CFAP47: variants seen among roughly 807,000 people sequenced by gnomAD.
The protein encoded by CFAP47 is cilia- and flagella-associated protein 47.
CFAP47 carries 29 observed loss-of-function variants against 148.1 expected under a neutral mutation model. The observed-to-expected ratio is 0.20, with a 90% confidence interval of 0.15 to 0.27. The LOEUF (loss-of-function observed/expected upper bound fraction) is 0.27. Among genes scored for constraint, CFAP47 ranks in the 10% least tolerant of loss-of-function variants. The pLI is 1.00. For synonymous variants in CFAP47, 664 were observed against 577.3 expected (o/e 1.15, Z -2.15); for missense variants, 1,872 against 1,697.5 (o/e 1.10, Z -1.81).
chrX:36,382,616 G>A (rs1417020207), intron 63 of CFAP47, among the ~76,000 whole-genome samples: 1 of 111,121 alleles, frequency 9.0e-6, no homozygotes, highest in Non-Finnish European at 1.9e-5. Flanking sequence ...TAAATATATA[G>A]CTTTCTTAAT....
chrX:36,065,856 G>T lies in CFAP47; in HGVS notation c.4318+113G>T, dbSNP rs774016674. On this transcript the variant is annotated intron_variant, in intron 27 of 63. Transcript: ENST00000378653. ...AGTTGTTTATTAAACAGCTGCCTCT[G>T]ATAGAAGCTGTGCTTGTCATTGAGA... 9 of 427,502 alleles carry T rather than the reference G, an allele frequency of 2.1e-5. No homozygotes were observed. The South Asian group carries it at 3.9e-4, about 18-fold the overall frequency. The allele number at this position is 427,502 out of a possible 1,213,427, so 35.2% of individuals were successfully genotyped here.
intron 46 of CFAP47, among the ~76,000 whole-genome samples, chrX:36,235,646 G>A (rs180992709): frequency 0.057 from 6,441 of 112,020 alleles, 160 homozygotes; most frequent in Middle Eastern, 0.13. Flanking sequence ...CCACTGTCTG[G>A]CACTCCCTAG....
intron 39 of CFAP47, among the ~76,000 whole-genome samples, chrX:36,178,779 C>T (rs1487772028): frequency 9.0e-6 from 1 of 111,482 alleles, no homozygotes; most frequent in Admixed American, 9.6e-5. Flanking sequence ...TTTGTGTTTC[C>T]AGAACCTCAT....
At chrX:36,158,159 G>A (rs1322866981) in intron 37 of CFAP47, among the ~76,000 whole-genome samples, 1 of 112,077 alleles carries the variant, frequency 8.9e-6, no homozygotes, top group East Asian at 2.8e-4. Context: ...TTAGGTCAAG[G>A]TTTGACACCA....
At chrX:35,973,424 C>T (rs6632447) in intron 13 of CFAP47, among the ~76,000 whole-genome samples, 29,930 of 110,648 alleles carry the variant, frequency 0.27, 5,722 homozygotes, top group African/African-American at 0.67. Context: ...CTCCTGACCT[C>T]GTGATCCGCC....
Position 35,919,920 on chromosome X carries a change from C to T in CFAP47, c.121C>T (p.Arg41Trp), listed in dbSNP as rs1263798197. 2 of 1,208,724 alleles carry T rather than the reference C, an allele frequency of 1.7e-6. No individual in the cohort carries two copies. Among genetic ancestry groups the T allele is most frequent in the East Asian group, 5.9e-5 (2 of 33,690 alleles). Residue 41 changes from arginine to tryptophan, a missense_variant, in exon 1 of 64, where the codon CGG (arginine) becomes TGG (tryptophan). Transcript: ENST00000378653. ...MDSSGRDMQLRVIPAEVKFLD... is the reference protein window; with the variant it reads ...MDSSGRDMQLWVIPAEVKFLD... ...TAGCTCGGGTAGAGACATGCAGCTG[C>T]GGGTGATCCCGGCTGAGGTGAAGTT...
At chrX:36,044,279 T>C (rs1937439879) in intron 25 of CFAP47, among the ~76,000 whole-genome samples, 1 of 113,307 alleles carries the variant, frequency 8.8e-6, no homozygotes, top group African/African-American at 3.2e-5. Flanking sequence ...TCATTATTTA[T>C]GCAAATGTCT....
intron 39 of CFAP47, 32 bp downstream of exon 39, chrX:36,160,801 A>G: frequency 3.4e-6 from 1 of 290,380 alleles, no homozygotes; most frequent in Non-Finnish European, 6.0e-6. Flanking sequence ...AATTCATTGC[A>G]ATTAGCTCTA....
At chrX:36,114,838 G>A (rs940015704) in intron 33 of CFAP47, among the ~76,000 whole-genome samples, 3 of 111,289 alleles carry the variant, frequency 2.7e-5, no homozygotes, top group Admixed American at 1.9e-4. Context: ...TAATTTATAC[G>A]TGCCAGCAGC....
chrX:36,365,590 A>C (rs1200197646), intron 61 of CFAP47: 1 of 110,332 alleles, frequency 9.1e-6, no homozygotes, highest in African/African-American at 3.3e-5. Flanking sequence ...ATGTATGAAG[A>C]CTAGTACCCA....
chrX:36,171,453 C>T (rs1418130950), intron 39 of CFAP47, among the ~76,000 whole-genome samples: 2 of 106,937 alleles, frequency 1.9e-5, no homozygotes, highest in African/African-American at 6.9e-5. Context: ...AGTCTTTAAT[C>T]CATCTTGAAT....
chrX:36,190,991 G>T lies in CFAP47; in HGVS notation c.6321+795G>T, dbSNP rs142493091. Among the ~76,000 whole-genome samples, 8 of 111,450 alleles carry T rather than the reference G, an allele frequency of 7.2e-5. No homozygotes were observed. In the East Asian group the frequency reaches 2.3e-3, roughly 32 times the overall value. The stretch of plus-strand genomic sequence containing the variant: ...AGTGAAAAATGGTAATTGGAAAGAG[G>T]TATTGTACTTACCTGGTGTCTATGG... On this transcript the variant is annotated intron_variant, in intron 42 of 63. Transcript: ENST00000378653.
intron 58 of CFAP47, 100 bp downstream of exon 58, chrX:36,348,388 T>C: frequency 2.6e-6 from 1 of 386,744 alleles, no homozygotes. Context: ...AATGTCAAGC[T>C]CATGATTTTA....
rs187958040 is a variant in CFAP47, at chrX:35,937,196, T to A, written c.402-4087T>A. ...GAAAACTCCTGAGAAAGAGAACTCC[T>A]CTTCTGCAGGATCTCAGGCCTGGAG... On this transcript the variant is annotated intron_variant, in intron 2 of 63. Transcript: ENST00000378653. 6.2e-5 allele frequency among the ~76,000 whole-genome samples: 6 copies of A among 96,989 alleles called. No homozygotes were observed. In the East Asian group the frequency reaches 1.9e-3, roughly 30 times the overall value. The allele number at this position is 96,989 out of a possible 115,157, so 84.2% of individuals were successfully genotyped here.
At chrX:36,326,814 A>C (rs782746399) in intron 57 of CFAP47, among the ~76,000 whole-genome samples, 1 of 111,642 alleles carries the variant, frequency 9.0e-6, no homozygotes, top group East Asian at 2.8e-4. Flanking sequence ...GAAGCATAGC[A>C]TAAAACTTGG....
rs188411179 is a variant in CFAP47 at position 36,243,777 on chromosome X, G to A, written c.7332+6918G>A. 7.5e-4 allele frequency among the ~76,000 whole-genome samples: 78 copies of A among 103,998 alleles called. 1 individual carries two copies. The East Asian group carries it at 0.022, about 29-fold the overall frequency. The allele number at this position is 103,998 out of a possible 115,157, so 90.3% of individuals were successfully genotyped here. A position where few individuals can be genotyped will look rare whatever the true frequency, so the allele number is the denominator to read the frequency against. ...CATAATAATAGTGGGAGACTTCAAC[G>A]CCCCACTGACAGCATTAGACAGATC... On this transcript the variant is annotated intron_variant, in intron 48 of 63. Transcript: ENST00000378653.
chrX:35,942,357 A>G (rs892872000), intron 3 of CFAP47, among the ~76,000 whole-genome samples: 2 of 111,581 alleles, frequency 1.8e-5, no homozygotes, highest in Non-Finnish European at 3.8e-5. Context: ...ATTTCTTCTT[A>G]GGATACAAAG....
At chrX:36,334,069 C>T (rs1228441465) in intron 57 of CFAP47, among the ~76,000 whole-genome samples, 1 of 111,628 alleles carries the variant, frequency 9.0e-6, no homozygotes, top group Non-Finnish European at 1.9e-5. Context: ...AAATTGTTCC[C>T]TAAGGAATTC....
chrX:36,051,816 T>G (rs753532735), intron 26 of CFAP47, among the ~76,000 whole-genome samples: 3 of 111,131 alleles, frequency 2.7e-5, no homozygotes, highest in African/African-American at 9.8e-5. Context: ...AAGCTTATCT[T>G]AAATTGTAGC....
Sources: allele counts gnomAD v4.1 joint callset (sites outside exome capture counted in the v4.1 genomes callset), GRCh38; gene constraint gnomAD v4.1.1; transcripts MANE v1.5; gene names NCBI Gene and HGNC (gene_info 2026-07-23, HGNC 2026-07-21).